Variants in ZFAND3 observed in about 807,000 individuals in gnomAD.
ZFAND3 encodes the protein AN1-type zinc finger protein 3.
ZFAND3 carries 10 observed loss-of-function variants against 29.6 expected under a neutral mutation model. The observed-to-expected ratio is 0.34, with a 90% CI of 0.21 to 0.57. ZFAND3 has a LOEUF of 0.57. Ranked by LOEUF, ZFAND3 falls within the 20% of genes least tolerant of loss-of-function variation. The pLI is 0.86. For synonymous variants in ZFAND3, 128 were observed against 112.6 expected (o/e 1.14, Z -0.87); for missense variants, 230 against 304.5 (o/e 0.76, Z 1.82).
At chr6:37,997,374 A>G (rs1001060484) in intron 2 of ZFAND3, among the ~76,000 whole-genome samples, 18 of 152,208 alleles carry the variant, frequency 1.2e-4, no homozygotes, top group Non-Finnish European at 2.5e-4. Context: ...AAAGAATAGC[A>G]TTGTAATGAT....
chr6:38,053,363 C>A (rs530594372), intron 2 of ZFAND3, among the ~76,000 whole-genome samples: 1 of 151,194 alleles, frequency 6.6e-6, no homozygotes, highest in Non-Finnish European at 1.5e-5. Flanking sequence ...CAGACTGAGC[C>A]GAGAGAGGAC....
In ZFAND3 at chr6:37,930,142, T is replaced by C. The variant is rs60825537; in HGVS notation, c.112+143T>C. 257 of 798,400 alleles carry C rather than the reference T, an allele frequency of 3.2e-4. No individual in the cohort carries two copies. The African/African-American group carries it at 4.3e-3, about 13-fold the overall frequency. 49.5% of individuals were successfully genotyped at this position (798,400 alleles called of 1,614,324 possible). On this transcript the variant is annotated intron_variant, in intron 2 of 5. Transcript: ENST00000287218. ...TCTTAGCTTGTGTGAGAAAGCAGTTTCACCTTACCAAGGTGCTTCATATAT... is the reference window on the plus strand; with the variant it reads ...TCTTAGCTTGTGTGAGAAAGCAGTTCCACCTTACCAAGGTGCTTCATATAT...
intron 2 of ZFAND3, among the ~76,000 whole-genome samples, chr6:37,939,503 C>G (rs963468214): frequency 1.3e-4 from 20 of 152,108 alleles, no homozygotes; most frequent in Admixed American, 6.6e-5. Context: ...AAAATTATCA[C>G]ATTCACAGAT....
intron 1 of ZFAND3, among the ~76,000 whole-genome samples, chr6:37,871,597 G>T (rs994287864): frequency 6.6e-6 from 1 of 152,050 alleles, no homozygotes; most frequent in Non-Finnish European, 1.5e-5. Flanking sequence ...TAATTTCTTG[G>T]TTTCTATAGC....
chr6:37,886,237 C>CAAAAAAAAAAAAAAA (rs55661554), intron 1 of ZFAND3, among the ~76,000 whole-genome samples: 2 of 95,304 alleles, frequency 2.1e-5, no homozygotes, highest in Non-Finnish European at 2.1e-5. Context: ...GACTCTGTCT[C>CAAAAAAAAAAAAAAA]AAAAAAAAAA....
intron 1 of ZFAND3, among the ~76,000 whole-genome samples, chr6:37,858,847 T>C (rs1185274184): frequency 6.6e-6 from 1 of 152,236 alleles, no homozygotes; most frequent in Non-Finnish European, 1.5e-5. Context: ...CTCTTTCGTG[T>C]TTATAGTGCT....
rs1299853474 is a variant in ZFAND3, at chr6:38,090,102, C to G, written c.361+7645C>G. On this transcript the variant is annotated intron_variant, in intron 4 of 5. Transcript: ENST00000287218. Reference sequence around the variant, plus strand: ...TCCTGACCTCAAGTAATCTGCCCACCTTGGCCTCCCAAAGTGCTGGGATTA... The same window carrying G: ...TCCTGACCTCAAGTAATCTGCCCACGTTGGCCTCCCAAAGTGCTGGGATTA... 3.9e-5 allele frequency among the ~76,000 whole-genome samples: 6 copies of G among 152,318 alleles called. No homozygotes were observed. In the East Asian group the frequency reaches 1.2e-3, roughly 29 times the overall value.
intron 1 of ZFAND3, among the ~76,000 whole-genome samples, chr6:37,840,101 CTATT>C (rs1407833818): frequency 6.6e-6 from 1 of 150,836 alleles, no homozygotes; most frequent in Non-Finnish European, 1.5e-5. Flanking sequence ...AGTTGGTTAT[CTATT>C]TTTTTTTTTG....
rs1763772636 is a variant in ZFAND3, at chr6:38,041,678, TCTTCTTCTCCTTCTC to T, written c.113-19909_113-19895del. 8.5e-4 allele frequency among the ~76,000 whole-genome samples: 18 copies of T among 21,138 alleles called. 1 individual carries two copies. Among genetic ancestry groups the T allele is most frequent in the African/African-American group, 1.3e-3 (7 of 5,486 alleles). 13.9% of individuals were successfully genotyped at this position (21,138 alleles called of 152,430 possible). A position where few individuals can be genotyped will look rare whatever the true frequency, so the allele number is the denominator to read the frequency against. Reference sequence around the variant, plus strand: ...TTCTTCTTCTTCTTCTTCTTCTTCTTCTTCTTCTCCTTCTCCTTCTCCTCCTCCTCCTCCTCCTCC... The same window carrying T: ...TTCTTCTTCTTCTTCTTCTTCTTCTTCTTCTCCTCCTCCTCCTCCTCCTCC... On this transcript the variant is annotated intron_variant, in intron 2 of 5. Coordinates refer to ENST00000287218, the MANE Select transcript of ZFAND3 (RefSeq NM_021943.3).
At chr6:37,857,496 A>G (rs1401543440) in intron 1 of ZFAND3, among the ~76,000 whole-genome samples, 1 of 152,184 alleles carries the variant, frequency 6.6e-6, no homozygotes, top group Non-Finnish European at 1.5e-5. Context: ...AATTTCAAAT[A>G]CTATTTAGCA....
chr6:37,850,298 A>C (rs1764258008), intron 1 of ZFAND3, among the ~76,000 whole-genome samples: 1 of 152,200 alleles, frequency 6.6e-6, no homozygotes, highest in African/African-American at 2.4e-5. Flanking sequence ...GAATGGGATT[A>C]ATAGACCTTT....
chr6:38,106,266 C>T (rs150938359), intron 4 of ZFAND3, among the ~76,000 whole-genome samples: 1 of 152,120 alleles, frequency 6.6e-6, no homozygotes, highest in African/African-American at 2.4e-5. Flanking sequence ...GATTCTCCTG[C>T]CTCAGCCTCC....
At chr6:38,082,500 C>A (rs774784430) in intron 4 of ZFAND3, 43 bp downstream of exon 4, 2 of 1,583,582 alleles carry the variant, frequency 1.3e-6, no homozygotes, top group Non-Finnish European at 8.6e-7. Context: ...TATTTGAATT[C>A]TTCACAGAAG....
At chr6:37,880,119 G>A (rs959086237) in intron 1 of ZFAND3, among the ~76,000 whole-genome samples, 1 of 152,098 alleles carries the variant, frequency 6.6e-6, no homozygotes, top group South Asian at 2.1e-4. Context: ...AAAGGTGAAT[G>A]GACAAAAAGC....
In ZFAND3 at chr6:38,152,635, T is replaced by G. The variant is rs1766252859; in HGVS notation, c.*246T>G. 1 of 1,202,690 alleles carries G rather than the reference T, an allele frequency of 8.3e-7. No homozygotes were observed. The highest frequency in any genetic ancestry group is 1.6e-5 in the African/African-American group (1 of 63,892). 74.5% of individuals were successfully genotyped at this position (1,202,690 alleles called of 1,614,324 possible). A position where few individuals can be genotyped will look rare whatever the true frequency, so the allele number is the denominator to read the frequency against. On this transcript the variant is annotated 3_prime_UTR_variant, in exon 6 of 6. Transcript: ENST00000287218. ...ATTAAAACATGAAGAATATTTTTTT[T>G]TTGAGCATGGCTAGTGGATTTAAAA...
At chr6:37,896,678 G>A (rs1048512372) in intron 1 of ZFAND3, among the ~76,000 whole-genome samples, 1 of 137,406 alleles carries the variant, frequency 7.3e-6, no homozygotes, top group Non-Finnish European at 1.7e-5. Context: ...GTGTGTGTGT[G>A]TGTCTGTGTG....
At chr6:37,843,045 C>A (rs1306402734) in intron 1 of ZFAND3, among the ~76,000 whole-genome samples, 1 of 151,686 alleles carries the variant, frequency 6.6e-6, no homozygotes, top group Admixed American at 6.6e-5. Context: ...TTGCTTGAAC[C>A]CAGGAGGCGG....
At chr6:38,012,532 C>T (rs577918559) in intron 2 of ZFAND3, among the ~76,000 whole-genome samples, 81 of 152,164 alleles carry the variant, frequency 5.3e-4, no homozygotes, top group African/African-American at 1.5e-3. Flanking sequence ...GTGCGTGCCA[C>T]CACGCCTGGC....
intron 2 of ZFAND3, among the ~76,000 whole-genome samples, chr6:38,041,600 T>C (rs1003890032): frequency 1.3e-5 from 2 of 150,538 alleles, no homozygotes; most frequent in Non-Finnish European, 3.0e-5. Context: ...ATTTCTGTTT[T>C]GTGATGTCAC....
Sources: gnomAD v4.1 joint callset for allele counts (sites outside exome capture counted in the v4.1 genomes callset) on GRCh38, gnomAD v4.1.1 for gene constraint, MANE v1.5 for transcripts, NCBI Gene and HGNC (gene_info 2026-07-23, HGNC 2026-07-21) for gene names.